Variants in MAGI3 observed in about 807,000 individuals in gnomAD.
MAGI3 encodes the protein membrane-associated guanylate kinase, WW and PDZ domain-containing protein 3.
A neutral mutation model predicts 121.8 loss-of-function variants in MAGI3; 43 were observed. The observed-to-expected ratio is 0.35, with a 90% CI of 0.28 to 0.46. The LOEUF (loss-of-function observed/expected upper bound fraction) is 0.46. Among genes scored for constraint, MAGI3 ranks in the 20% least tolerant of loss-of-function variants. MAGI3 has a pLI of 1.00. For synonymous variants in MAGI3, 553 were observed against 639.3 expected, an observed-to-expected ratio of 0.86 and a Z score of 2.04; for missense variants, 1,547 against 1,797.3, an observed-to-expected ratio of 0.86 and a Z score of 2.52.
intron 2 of MAGI3, among the ~76,000 whole-genome samples, chr1:113,560,531 G>A (rs2101687023): frequency 6.6e-6 from 1 of 152,248 alleles, no homozygotes; most frequent in Non-Finnish European, 1.5e-5. Flanking sequence ...GGTAAATAAT[G>A]AAATTAAGAC....
intron 1 of MAGI3, among the ~76,000 whole-genome samples, chr1:113,487,536 A>C (rs1262894437): frequency 1.3e-5 from 2 of 152,196 alleles, no homozygotes; most frequent in Admixed American, 1.3e-4. Flanking sequence ...AACACTAGGC[A>C]TAAATGTATT....
intron 9 of MAGI3, among the ~76,000 whole-genome samples, chr1:113,623,451 CAT>C (rs1369238688): frequency 8.6e-4 from 68 of 79,436 alleles, no homozygotes; most frequent in African/African-American, 3.0e-3. Flanking sequence ...TATACACACA[CAT>C]ACACACACAC....
intron 9 of MAGI3, among the ~76,000 whole-genome samples, chr1:113,623,551 G>A (rs1017086493): frequency 1.3e-5 from 2 of 150,462 alleles, no homozygotes; most frequent in Non-Finnish European, 1.5e-5. Flanking sequence ...GCAGTGGCGC[G>A]ATCTCGGCTC....
At chr1:113,539,654 T>C (rs972674880) in intron 1 of MAGI3, among the ~76,000 whole-genome samples, 2 of 152,164 alleles carry the variant, frequency 1.3e-5, no homozygotes, top group African/African-American at 2.4e-5. Context: ...TAACTCGTCA[T>C]CTAGCATTAG....
chr1:113,643,204 T>C (rs949977203), intron 10 of MAGI3, among the ~76,000 whole-genome samples: 23 of 152,270 alleles, frequency 1.5e-4, no homozygotes, highest in Admixed American at 1.0e-3. Context: ...TCCATACTTA[T>C]AAGTGACTAG....
At chr1:113,606,076 G>A (rs1000695063) in intron 6 of MAGI3, among the ~76,000 whole-genome samples, 9 of 151,578 alleles carry the variant, frequency 5.9e-5, no homozygotes, top group African/African-American at 1.9e-4. Context: ...AGTGATTCTC[G>A]TGCCTCAGCC....
chr1:113,620,330 T>C (rs184572585), intron 8 of MAGI3, among the ~76,000 whole-genome samples: 4 of 152,268 alleles, frequency 2.6e-5, no homozygotes, highest in Admixed American at 6.5e-5. Flanking sequence ...TTTTTAAAAA[T>C]ATAGATCCAG....
chr1:113,401,673 G>A (rs1651413606), intron 1 of MAGI3, among the ~76,000 whole-genome samples: 1 of 152,238 alleles, frequency 6.6e-6, no homozygotes, highest in South Asian at 2.1e-4. Flanking sequence ...GAAGGTGTTA[G>A]CACATTTACT....
At chr1:113,552,904 T>C (rs762124353) in intron 2 of MAGI3, among the ~76,000 whole-genome samples, 22 of 152,214 alleles carry the variant, frequency 1.4e-4, no homozygotes, top group Non-Finnish European at 2.6e-4. Context: ...GAGATAGTTC[T>C]GATTCTAGGT....
intron 9 of MAGI3, among the ~76,000 whole-genome samples, chr1:113,637,220 T>C (rs140232490): frequency 0.024 from 3,605 of 152,256 alleles, 136 homozygotes; most frequent in African/African-American, 0.082. Context: ...GAGCATTTAG[T>C]CCATTTACAT....
chr1:113,512,842 G>C (rs1241703341), intron 1 of MAGI3, among the ~76,000 whole-genome samples: 7 of 152,196 alleles, frequency 4.6e-5, no homozygotes, highest in Admixed American at 4.6e-4. Flanking sequence ...AATTGTCCCT[G>C]TTTGCAGATG....
intron 9 of MAGI3, among the ~76,000 whole-genome samples, chr1:113,629,759 T>TCCCTCTCCCTCTCCCTCC (rs1335092471): frequency 5.0e-5 from 4 of 80,508 alleles, no homozygotes; most frequent in Non-Finnish European, 8.0e-5. Flanking sequence ...TCTCTCTCTC[T>TCCCTCTCCCTCTCCCTCC]CTCCCTCCCT....
At position 113,651,141 on chromosome 1, in the gene MAGI3, T is replaced by G; in HGVS notation, c.2375T>G (p.Leu792Arg). Residue 792 changes from leucine (L) to arginine (R), a missense_variant, in exon 14 of 21, where the codon CTC (leucine) becomes CGC (arginine). Physicochemically the swap from Leu to Arg is moderately radical, Grantham distance 102 (BLOSUM62 -2). Coordinates refer to ENST00000307546, the MANE Select transcript of MAGI3 (RefSeq NM_001142782.2). ...AAATCACACAAACAAGTCTTGGACC[T>G]CATGACAACTGCTGCTCGAAATGGC... Reference protein sequence around the residue: ...KGKSHKQVLDLMTTAARNGHV... With the variant: ...KGKSHKQVLDRMTTAARNGHV... 6.2e-7 allele frequency: 1 copy of G among 1,614,140 alleles called. No homozygotes were observed.
At chr1:113,651,632 A>G (rs1653173674) in intron 14 of MAGI3, among the ~76,000 whole-genome samples, 1 of 152,100 alleles carries the variant, frequency 6.6e-6, no homozygotes, top group East Asian at 1.9e-4. Flanking sequence ...AGCTGGGATT[A>G]CAGGCACACA....
intron 1 of MAGI3, among the ~76,000 whole-genome samples, chr1:113,412,083 T>G (rs184263311): frequency 7.6e-6 from 1 of 131,814 alleles, no homozygotes; most frequent in Non-Finnish European, 1.5e-5. Flanking sequence ...CCAAGTGATC[T>G]CATGGTTCAG....
chr1:113,536,826 T>C (rs1357238021), intron 1 of MAGI3, among the ~76,000 whole-genome samples: 1 of 152,106 alleles, frequency 6.6e-6, no homozygotes, highest in Non-Finnish European at 1.5e-5. Context: ...ATTGAAAAAC[T>C]CTTCATATAT....
chr1:113,562,902 A>G (rs1383505317), intron 2 of MAGI3, among the ~76,000 whole-genome samples: 1 of 152,234 alleles, frequency 6.6e-6, no homozygotes, highest in Non-Finnish European at 1.5e-5. Context: ...AATATTTAAG[A>G]AAGAAATAAT....
In MAGI3 at chr1:113,683,252, C is replaced by T; in HGVS notation, c.3684C>T (p.Ala1228=). The change falls in exon 21 of 21, where the codon GCC becomes GCT. Residue 1228 remains alanine (A), a synonymous_variant. Coordinates refer to ENST00000307546, the MANE Select transcript of MAGI3 (RefSeq NM_001142782.2). The part of the protein sequence containing the change: ...RGRSVSPKKP[A]SQHSEEHLDK... ...GATCGGTTAGTCCCAAAAAGCCAGC[C>T]AGTCAACATTCAGAGGAACATTTGG... 6.2e-7 allele frequency: 1 copy of T among 1,613,152 alleles called. No individual in the cohort carries two copies. The highest frequency in any genetic ancestry group is 1.3e-5 in the African/African-American group (1 of 74,944).
intron 1 of MAGI3, among the ~76,000 whole-genome samples, chr1:113,454,930 C>T (rs934425779): frequency 3.9e-5 from 6 of 152,048 alleles, no homozygotes; most frequent in Non-Finnish European, 8.8e-5. Context: ...AAACATGAAT[C>T]TGAAGTATGT....
Sources: gnomAD v4.1 joint callset for allele counts (sites outside exome capture counted in the v4.1 genomes callset) on GRCh38, gnomAD v4.1.1 for gene constraint, MANE v1.5 for transcripts, NCBI Gene and HGNC (gene_info 2026-07-23, HGNC 2026-07-21) for gene names.